The following LETM1 variants were observed in gnomAD, a reference collection of about 807,000 sequenced individuals.
LETM1 encodes the protein mitochondrial proton/calcium exchanger protein.
LETM1 carries 50 observed loss-of-function variants against 74.5 expected under a neutral mutation model. The observed-to-expected ratio is 0.67, with a 90% CI of 0.53 to 0.85. The LOEUF is 0.85. Among genes scored for constraint, LETM1 ranks in the 40% least tolerant of loss-of-function variants. The pLI, the probability that LETM1 is intolerant of heterozygous loss-of-function variation, is 0.00. For missense variants in LETM1, 824 were observed against 967.8 expected, an observed-to-expected ratio of 0.85 and a Z score of 1.97; for synonymous variants, 446 against 407.1, an observed-to-expected ratio of 1.10 and a Z score of -1.15.
chr4:1,834,554 G>T lies in LETM1; in HGVS notation c.876+291C>A. 8.4e-7 allele frequency: 1 copy of T among 1,183,956 alleles called. No homozygotes were observed. The highest frequency in any genetic ancestry group is 1.1e-6 in the Non-Finnish European group (1 of 951,402). 73.3% of individuals were successfully genotyped at this position (1,183,956 alleles called of 1,614,324 possible). On this transcript the variant is annotated intron_variant, in intron 5 of 13. Transcript: ENST00000302787. The surrounding 1 kb of genome is among the most constrained non-coding windows in gnomAD (Gnocchi z 5.0). ...ACACCTCACACCATCAGGGTCTCAG[G>T]CTCCTCATGGGTCAGATTCTACTGC...
intron 1 of LETM1, among the ~76,000 whole-genome samples, chr4:1,854,274 G>A (rs569250092): frequency 1.6e-3 from 242 of 151,874 alleles, no homozygotes; most frequent in African/African-American, 5.4e-3. Context: ...GAGGTCAGGA[G>A]TTCAAGACCG....
At chr4:1,848,291 G>A (rs868712345) in intron 2 of LETM1, among the ~76,000 whole-genome samples, 6 of 152,124 alleles carry the variant, frequency 3.9e-5, no homozygotes, top group Middle Eastern at 3.4e-3. Context: ...GCTCATGCCT[G>A]TAATCCCAGC....
In LETM1 at chr4:1,834,023, G is replaced by C. The variant is rs994773676; in HGVS notation, c.876+822C>G. On this transcript the variant is annotated intron_variant, in intron 5 of 13. Transcript: ENST00000302787. This position sits in a 1 kb window ranked among gnomAD's most constrained non-coding sequence, Gnocchi z 5.0. Reference sequence around the variant, plus strand: ...CTGGAACCACCACCCACTCCCTGGGGGGCTCAGCAGCCCCATGGCTGTGTC... The same window carrying C: ...CTGGAACCACCACCCACTCCCTGGGCGGCTCAGCAGCCCCATGGCTGTGTC... 1 of 152,300 alleles carries C rather than the reference G, an allele frequency of 6.6e-6. No homozygotes were observed. The highest frequency in any genetic ancestry group is 2.4e-5 in the African/African-American group (1 of 41,466). 9.4% of individuals were successfully genotyped at this position (152,300 alleles called of 1,614,324 possible). A position where few individuals can be genotyped will look rare whatever the true frequency, so the allele number is the denominator to read the frequency against.
At chr4:1,817,159 C>T (rs1334689411) in intron 11 of LETM1, among the ~76,000 whole-genome samples, 2 of 148,166 alleles carry the variant, frequency 1.3e-5, no homozygotes, top group African/African-American at 5.0e-5. Context: ...GCAGGAGAAT[C>T]GCTTGAACCC....
chr4:1,831,434 C>CA (rs913362269), intron 6 of LETM1, among the ~76,000 whole-genome samples: 2 of 152,212 alleles, frequency 1.3e-5, no homozygotes, highest in African/African-American at 4.8e-5. Context: ...TACTGTTTCC[C>CA]ACCTGGCTCC....
chr4:1,853,122 G>A (rs1222880287), intron 1 of LETM1, among the ~76,000 whole-genome samples: 3 of 152,094 alleles, frequency 2.0e-5, no homozygotes, highest in Admixed American at 6.6e-5. Flanking sequence ...TCCTCATTCT[G>A]CTCCTCCCCA....
Position 1,841,612 on chromosome 4 carries a change from G to A in LETM1, c.329C>T (p.Ser110Phe). Reference protein sequence around the residue: ...PQCLPVRGWHSSRPVRDDSVV... With the variant: ...PQCLPVRGWHFSRPVRDDSVV... ...CGAGTCATCGCGAACAGGGCGCGAA[G>A]AGTGCCAGCCACGCACAGGAAGGCA... The change falls in exon 3 of 14, where the codon TCT (serine) becomes TTT (phenylalanine). Residue 110 changes from serine to phenylalanine, a missense_variant. Physicochemically the swap from Ser to Phe is radical, Grantham distance 155. Around this residue, in one of 4 missense-constraint regions of LETM1, gnomAD observed 222 missense variants for 195.6 expected, o/e 1.14. Coordinates refer to ENST00000302787, the MANE Select transcript of LETM1 (RefSeq NM_012318.3). 6.2e-7 allele frequency: 1 copy of A among 1,614,218 alleles called. No homozygotes were observed.
At chr4:1,835,489 A>C (rs1375285927) in intron 4 of LETM1, among the ~76,000 whole-genome samples, 14 of 146,942 alleles carry the variant, frequency 9.5e-5, no homozygotes, top group African/African-American at 3.6e-4. Context: ...ACAAACAAAA[A>C]CAAACAAACT....
At chr4:1,843,895 C>T (rs959256399) in intron 2 of LETM1, among the ~76,000 whole-genome samples, 15 of 152,242 alleles carry the variant, frequency 9.9e-5, no homozygotes, top group Non-Finnish European at 1.6e-4. Flanking sequence ...CAGGCTCAGA[C>T]TGCCCCCTGG....
At chr4:1,852,297 A>T (rs1438024043) in intron 1 of LETM1, among the ~76,000 whole-genome samples, 1 of 152,200 alleles carries the variant, frequency 6.6e-6, no homozygotes, top group Non-Finnish European at 1.5e-5. Context: ...GTCACAGTTT[A>T]TTATAAAGGG....
At chr4:1,816,211 C>A (rs1711564575) in intron 12 of LETM1, among the ~76,000 whole-genome samples, 1 of 145,852 alleles carries the variant, frequency 6.9e-6, no homozygotes. Flanking sequence ...GTGCAGCCCA[C>A]CTACAACACT....
chr4:1,836,601 A>G lies in LETM1; in HGVS notation c.595-29T>C, dbSNP rs1361649338. On this transcript the variant is annotated intron_variant, in intron 3 of 13. Transcript: ENST00000302787. The surrounding 1 kb of genome is among the most constrained non-coding windows in gnomAD (Gnocchi z 5.8). ...GAAGGGGCGGAATCCATCAGAGGGG[A>G]GCAGAGCACATGTGGGAACAAGGGC... 1 of 1,612,374 alleles carries G rather than the reference A, an allele frequency of 6.2e-7. No individual in the cohort carries two copies. The highest frequency in any genetic ancestry group is 1.7e-5 in the Admixed American group (1 of 59,852).
intron 3 of LETM1, among the ~76,000 whole-genome samples, chr4:1,838,613 G>A (rs1712571847): frequency 2.6e-5 from 4 of 152,192 alleles, no homozygotes; most frequent in Admixed American, 2.6e-4. Context: ...GGAGGGCTGA[G>A]GCTTTGGTTA....
At chr4:1,815,519 G>C (rs1400595640) in intron 13 of LETM1, 145 bp downstream of exon 13, 2 of 725,030 alleles carry the variant, frequency 2.8e-6, no homozygotes, top group Non-Finnish European at 4.5e-6. Context: ...CGGCTTAAAG[G>C]AGCAGTCGCA....
chr4:1,827,883 C>A (rs1340002050), intron 6 of LETM1, among the ~76,000 whole-genome samples: 6 of 151,500 alleles, frequency 4.0e-5, no homozygotes, highest in East Asian at 2.0e-4. Flanking sequence ...AGGCGCCCCC[C>A]CCACCTCCCG....
intron 7 of LETM1, among the ~76,000 whole-genome samples, chr4:1,824,130 C>T (rs1203153251): frequency 6.6e-6 from 1 of 152,190 alleles, no homozygotes; most frequent in Non-Finnish European, 1.5e-5. Flanking sequence ...CGAGACCAGC[C>T]TGGCCAACAT....
chr4:1,818,429 T>A (rs1339451095), intron 11 of LETM1, among the ~76,000 whole-genome samples: 3 of 151,788 alleles, frequency 2.0e-5, no homozygotes, highest in East Asian at 3.9e-4. Flanking sequence ...CTGGTCAACA[T>A]GGTGAAACCC....
chr4:1,848,159 T>C (rs1712946357), intron 2 of LETM1, among the ~76,000 whole-genome samples: 1 of 152,064 alleles, frequency 6.6e-6, no homozygotes, highest in Non-Finnish European at 1.5e-5. Context: ...ATCCCAGCAC[T>C]TTGGGAGGCT....
chr4:1,841,589 A>C lies in LETM1; in HGVS notation c.352T>G (p.Ser118Ala). The C allele has an allele frequency of 6.2e-7, 1 of 1,614,142 alleles. No individual in the cohort carries two copies. Among genetic ancestry groups the C allele is most frequent in the Non-Finnish European group, 8.5e-7 (1 of 1,180,030 alleles). ...GACTTGAGGGACTTCTCTACTACCGAGTCATCGCGAACAGGGCGCGAAGAG... is the reference window on the plus strand; with the variant it reads ...GACTTGAGGGACTTCTCTACTACCGCGTCATCGCGAACAGGGCGCGAAGAG... ...WHSSRPVRDD[S>A]VVEKSLKSLK... Residue 118 changes from serine to alanine, a missense_variant, in exon 3 of 14, where the codon TCG (serine) becomes GCG (alanine). Physicochemically the swap from Ser to Ala is moderately conservative, Grantham distance 99. Coordinates refer to ENST00000302787, the MANE Select transcript of LETM1 (RefSeq NM_012318.3).
Sources: allele counts gnomAD v4.1 joint callset (sites outside exome capture counted in the v4.1 genomes callset), GRCh38; gene constraint gnomAD v4.1.1; regional missense constraint gnomAD v4.1.1; non-coding constraint Gnocchi (gnomAD v3.1); transcripts MANE v1.5; gene names NCBI Gene and HGNC (gene_info 2026-07-23, HGNC 2026-07-21).